SLC4A10: variants seen among roughly 807,000 people sequenced by gnomAD.
The protein encoded by SLC4A10 is solute carrier family 4 member 10.
SLC4A10 carries 42 observed loss-of-function variants against 137.7 expected under a neutral mutation model. The ratio of observed to expected loss-of-function variants is 0.30; its 90% CI spans 0.24 to 0.39. The LOEUF (loss-of-function observed/expected upper bound fraction) is 0.39, where lower values mean the gene tolerates loss of function less well. Ranked by LOEUF, SLC4A10 falls within the 10% of genes least tolerant of loss-of-function variation. The pLI is 1.00. For missense variants in SLC4A10, 925 were observed against 1,355.0 expected, an observed-to-expected ratio of 0.68 and a Z score of 4.98; for synonymous variants, 474 against 464.1, an observed-to-expected ratio of 1.02 and a Z score of -0.27.
At chr2:161,890,796 G>A (rs914595358) in intron 10 of SLC4A10, among the ~76,000 whole-genome samples, 19 of 152,096 alleles carry the variant, frequency 1.2e-4, no homozygotes, top group African/African-American at 3.4e-4. Context: ...TTATATTTAA[G>A]GTTAATATTG....
intron 1 of SLC4A10, among the ~76,000 whole-genome samples, chr2:161,627,869 A>T (rs1003911433): frequency 2.0e-5 from 3 of 152,094 alleles, no homozygotes; most frequent in Admixed American, 6.6e-5. Context: ...GGTGCTGGAG[A>T]TGCAGCAATA....
At chr2:161,966,327 T>C (rs2105921624) in intron 23 of SLC4A10, among the ~76,000 whole-genome samples, 1 of 152,316 alleles carries the variant, frequency 6.6e-6, no homozygotes, top group Non-Finnish European at 1.5e-5. Flanking sequence ...TTCCAAATAT[T>C]GTAGAAGGCA....
chr2:161,819,229 C>G (rs925002788), intron 3 of SLC4A10, among the ~76,000 whole-genome samples: 1 of 152,028 alleles, frequency 6.6e-6, no homozygotes, highest in Non-Finnish European at 1.5e-5. Context: ...AAAACAATGA[C>G]TGGTTCAAGC....
chr2:161,846,717 C>A (rs2090270), intron 4 of SLC4A10, among the ~76,000 whole-genome samples: 9,237 of 152,234 alleles, frequency 0.061, 367 homozygotes, highest in East Asian at 0.13. Context: ...AAAAAAGTGT[C>A]AATCTCAAAA....
intron 15 of SLC4A10, among the ~76,000 whole-genome samples, chr2:161,928,673 G>C (rs897329422): frequency 1.4e-5 from 2 of 145,094 alleles, no homozygotes; most frequent in East Asian, 3.9e-4. Flanking sequence ...AAAAAAGTAG[G>C]AGTTTCAGGT....
chr2:161,814,360 G>T (rs917601609), intron 3 of SLC4A10, among the ~76,000 whole-genome samples: 1 of 152,142 alleles, frequency 6.6e-6, no homozygotes. Context: ...ACTGTGGAAA[G>T]CAGTTTGGAG....
chr2:161,903,685 C>T (rs6734760), intron 12 of SLC4A10, among the ~76,000 whole-genome samples: 77,303 of 151,936 alleles, frequency 0.51, 20,532 homozygotes, highest in East Asian at 0.84. Flanking sequence ...AGTAGGTTGA[C>T]GTAGAAATGG....
In SLC4A10 at chr2:161,929,811, T is replaced by G. The variant is rs377612700; in HGVS notation, c.1998-12981T>G. Among the ~76,000 whole-genome samples the G allele has an allele frequency of 1.6e-4, 24 of 152,322 alleles. 3 individuals are homozygous for G. The South Asian group carries it at 4.8e-3, about 30-fold the overall frequency. ...AGCCCTGAACCTGAGCCTTAAGAGA[T>G]TTATTTTTACATTTGTTTTCAAATT... On this transcript the variant is annotated intron_variant, in intron 15 of 26. Coordinates refer to ENST00000446997, the MANE Select transcript of SLC4A10 (RefSeq NM_001178015.2).
chr2:161,733,541 G>C (rs1206212493), intron 1 of SLC4A10, among the ~76,000 whole-genome samples: 1 of 152,258 alleles, frequency 6.6e-6, no homozygotes, highest in African/African-American at 2.4e-5. Context: ...CTCTCATGGA[G>C]TACCTTTGCT....
At chr2:161,731,323 T>A (rs1244736899) in intron 1 of SLC4A10, among the ~76,000 whole-genome samples, 1 of 152,156 alleles carries the variant, frequency 6.6e-6, no homozygotes, top group East Asian at 1.9e-4. Context: ...GGGGGAAAAC[T>A]TTTGCAATGC....
intron 1 of SLC4A10, among the ~76,000 whole-genome samples, chr2:161,648,774 T>A (rs2105556679): frequency 6.6e-6 from 1 of 152,374 alleles, no homozygotes; most frequent in African/African-American, 2.4e-5. Flanking sequence ...CAATATGTTT[T>A]GGAGAGCTAT....
chr2:161,683,516 G>A lies in SLC4A10; in HGVS notation c.48+58950G>A, dbSNP rs919017746. Reference sequence around the variant, plus strand: ...GTCAAGGAGAATAGGGTAAAGAAAAGCTTATAGGCTTTTATTAGCATTCCT... The same window carrying A: ...GTCAAGGAGAATAGGGTAAAGAAAAACTTATAGGCTTTTATTAGCATTCCT... On this transcript the variant is annotated intron_variant, in intron 1 of 26. Coordinates refer to ENST00000446997, the MANE Select transcript of SLC4A10 (RefSeq NM_001178015.2). 2.6e-5 allele frequency among the ~76,000 whole-genome samples: 4 copies of A among 152,074 alleles called. No homozygotes were observed. The South Asian group carries it at 6.2e-4, about 24-fold the overall frequency.
chr2:161,751,502 T>C (rs1385649679), intron 1 of SLC4A10, among the ~76,000 whole-genome samples: 1 of 151,770 alleles, frequency 6.6e-6, no homozygotes, highest in Non-Finnish European at 1.5e-5. Context: ...AAAAACTTAA[T>C]TTTTCCTGCA....
intron 2 of SLC4A10, among the ~76,000 whole-genome samples, chr2:161,780,687 C>T (rs1183182082): frequency 6.6e-6 from 1 of 151,852 alleles, no homozygotes; most frequent in African/African-American, 2.4e-5. Flanking sequence ...TCGATTTAAT[C>T]TATTAATACT....
intron 15 of SLC4A10, among the ~76,000 whole-genome samples, chr2:161,928,503 C>T (rs1689658801): frequency 6.7e-6 from 1 of 149,498 alleles, no homozygotes; most frequent in South Asian, 2.1e-4. Flanking sequence ...GTACATGTAC[C>T]CTAAAACTTA....
chr2:161,624,586 C>A lies in SLC4A10; in HGVS notation c.48+20C>A. On this transcript the variant is annotated intron_variant, in intron 1 of 26. Transcript: ENST00000446997. The stretch of plus-strand genomic sequence containing the variant: ...CCTACGGTAAGAGACAACCTGCTAT[C>A]ACATAGATTAACCGCGTTTGCTGCA... 1 of 1,551,920 alleles carries A rather than the reference C, an allele frequency of 6.4e-7. No individual in the cohort carries two copies. Among genetic ancestry groups the A allele is most frequent in the Non-Finnish European group, 8.7e-7 (1 of 1,147,102 alleles).
At chr2:161,770,927 A>G in intron 1 of SLC4A10, 46 bp from the exon 2 acceptor site, 4 of 1,364,590 alleles carry the variant, frequency 2.9e-6, no homozygotes, top group Non-Finnish European at 4.1e-6. Flanking sequence ...TGAAATTGAG[A>G]TAATATGTGT....
chr2:161,792,043 C>T (rs950771490), intron 2 of SLC4A10, among the ~76,000 whole-genome samples: 7 of 152,074 alleles, frequency 4.6e-5, no homozygotes, highest in African/African-American at 1.4e-4. Flanking sequence ...GTTAATCTCC[C>T]TTCATAGTTC....
chr2:161,870,144 T>C (rs1434442451), intron 6 of SLC4A10, among the ~76,000 whole-genome samples: 3 of 151,038 alleles, frequency 2.0e-5, no homozygotes, highest in African/African-American at 7.3e-5. Context: ...TTATTATAAT[T>C]ATTACATAAA....
Sources: gnomAD v4.1 joint callset for allele counts (sites outside exome capture counted in the v4.1 genomes callset) on GRCh38, gnomAD v4.1.1 for gene constraint, MANE v1.5 for transcripts, NCBI Gene and HGNC (gene_info 2026-07-23, HGNC 2026-07-21) for gene names.